The following KAT6B variants were observed in gnomAD, a reference collection of about 807,000 sequenced individuals.
KAT6B encodes the protein lysine acetyltransferase 6B.
In KAT6B, 10 loss-of-function variants were observed where a neutral mutation model predicts 187.5. The ratio of observed to expected loss-of-function variants is 0.05; its 90% CI spans 0.03 to 0.09. The LOEUF (loss-of-function observed/expected upper bound fraction) is 0.09. Among genes scored for constraint, KAT6B ranks in the 10% least tolerant of loss-of-function variants. KAT6B has a pLI of 1.00. For missense variants in KAT6B, 1,952 were observed against 2,558.9 expected, an observed-to-expected ratio of 0.76 and a Z score of 5.12; for synonymous variants, 861 against 926.8, an observed-to-expected ratio of 0.93 and a Z score of 1.29.
intron 3 of KAT6B, among the ~76,000 whole-genome samples, chr10:74,897,676 C>G (rs1159229210): frequency 3.3e-5 from 5 of 152,152 alleles, no homozygotes; most frequent in Non-Finnish European, 7.4e-5. Context: ...GAACTTCATC[C>G]AATAGATACT....
At chr10:74,914,482 A>G (rs1847503974) in intron 3 of KAT6B, among the ~76,000 whole-genome samples, 1 of 152,202 alleles carries the variant, frequency 6.6e-6, no homozygotes, top group Non-Finnish European at 1.5e-5. Context: ...TTCGATGTTT[A>G]TCACATTTAA....
intron 4 of KAT6B, among the ~76,000 whole-genome samples, chr10:74,964,055 C>G (rs960370904): frequency 6.6e-6 from 1 of 152,244 alleles, no homozygotes; most frequent in East Asian, 1.9e-4. Context: ...GGCTTGAAGC[C>G]GGGAGGCGGA....
chr10:75,000,226 C>T (rs909348846), intron 13 of KAT6B, among the ~76,000 whole-genome samples: 16 of 151,040 alleles, frequency 1.1e-4, no homozygotes, highest in Non-Finnish European at 1.5e-5. Context: ...AAAAGCTTGA[C>T]TGTCAAGGGC....
rs146125096 is a variant in KAT6B at position 74,994,711 on chromosome 10, G to A, written c.2629+5599G>A. Among the ~76,000 whole-genome samples, 592 of 151,884 alleles carry A rather than the reference G, an allele frequency of 3.9e-3. 4 individuals carry two copies. Among genetic ancestry groups the A allele is most frequent in the African/African-American group, 0.014 (564 of 41,392 alleles). ...CTGAGGCAGAGAATTGCTTGAACCC[G>A]GGAGGTGGAGGTTGCAGTGAGCTGA... On this transcript the variant is annotated intron_variant, in intron 13 of 17. Transcript: ENST00000287239.
chr10:74,872,296 A>G (rs1223765727), intron 3 of KAT6B, among the ~76,000 whole-genome samples: 1 of 152,228 alleles, frequency 6.6e-6, no homozygotes, highest in Non-Finnish European at 1.5e-5. Context: ...TAGAGGTTGC[A>G]TGACAACTTG....
chr10:74,855,901 T>C (rs972877686), intron 3 of KAT6B, among the ~76,000 whole-genome samples: 1 of 152,224 alleles, frequency 6.6e-6, no homozygotes, highest in Non-Finnish European at 1.5e-5. Context: ...AGCACATTTA[T>C]ATATTCACAA....
chr10:74,965,021 C>CT (rs1841362679), intron 4 of KAT6B, among the ~76,000 whole-genome samples: 1 of 152,156 alleles, frequency 6.6e-6, no homozygotes, highest in Non-Finnish European at 1.5e-5. Context: ...CCTAAGTTAC[C>CT]TTTTTAAGTT....
At chr10:74,893,669 C>G (rs1227780429) in intron 3 of KAT6B, among the ~76,000 whole-genome samples, 1 of 151,482 alleles carries the variant, frequency 6.6e-6, no homozygotes, top group African/African-American at 2.4e-5. Flanking sequence ...GGGGTTTCAC[C>G]ATATTGGCCA....
chr10:74,990,957 A>AT (rs1191238675), intron 13 of KAT6B, among the ~76,000 whole-genome samples: 2 of 151,888 alleles, frequency 1.3e-5, no homozygotes, highest in Non-Finnish European at 2.9e-5. Flanking sequence ...CTATACCTCT[A>AT]TTTTTTTGTC....
At chr10:74,834,464 A>G (rs565006269) in intron 1 of KAT6B, among the ~76,000 whole-genome samples, 15 of 151,876 alleles carry the variant, frequency 9.9e-5, no homozygotes, top group Admixed American at 5.2e-4. Context: ...CCAAAGTGCT[A>G]GGATTACAGG....
In KAT6B at chr10:74,843,776, AG is replaced by A. The variant is rs533025397; in HGVS notation, c.621+300del. Among the ~76,000 whole-genome samples the A allele has an allele frequency of 2.6e-3, 391 of 152,334 alleles. 3 individuals carry two copies. Among genetic ancestry groups the A allele is most frequent in the African/African-American group, 9.0e-3 (376 of 41,570 alleles). ...GGATAATATTGATCTTTCTTCATCC[AG>A]GCAGGGTCATATATATTTCAGAAAT... On this transcript the variant is annotated intron_variant, in intron 3 of 17. Transcript: ENST00000287239.
At chr10:75,027,445 T>C (rs1845953157) in intron 17 of KAT6B, among the ~76,000 whole-genome samples, 1 of 152,206 alleles carries the variant, frequency 6.6e-6, no homozygotes, top group African/African-American at 2.4e-5. Context: ...GAGATCTTAT[T>C]TTTATTCTCC....
intron 3 of KAT6B, among the ~76,000 whole-genome samples, chr10:74,959,444 A>G (rs1368920527): frequency 6.6e-6 from 1 of 152,210 alleles, no homozygotes; most frequent in Non-Finnish European, 1.5e-5. Context: ...AAGGTATTAG[A>G]TTTCACTGGT....
chr10:74,915,707 T>C (rs924879452), intron 3 of KAT6B, among the ~76,000 whole-genome samples: 4 of 152,162 alleles, frequency 2.6e-5, no homozygotes, highest in Admixed American at 2.0e-4. Flanking sequence ...GATAAAGAAG[T>C]ATCTAGTTAC....
intron 3 of KAT6B, among the ~76,000 whole-genome samples, chr10:74,895,626 A>G (rs1246826500): frequency 6.6e-6 from 1 of 151,654 alleles, no homozygotes; most frequent in Non-Finnish European, 1.5e-5. Flanking sequence ...TACAACCTTC[A>G]CTTCCCGGGT....
Position 75,020,664 on chromosome 10 carries a change from A to G in KAT6B, c.2712A>G (p.Ala904=). Residue 904 remains alanine, a synonymous_variant, in exon 14 of 18, where the codon GCA becomes GCG. Transcript: ENST00000287239. ...ATCTGGGCCGTCTCTCCTACCTGGC[A>G]TATTGGAAGAGCGTCATCTTGGAGT... is the stretch of plus-strand genomic sequence containing the variant. The part of the protein sequence containing the change: ...LSDLGRLSYL[A]YWKSVILEYL... 1.9e-6 allele frequency: 3 copies of G among 1,614,242 alleles called. No homozygotes were observed. Among genetic ancestry groups the G allele is most frequent in the South Asian group, 1.1e-5 (1 of 91,090 alleles).
At chr10:75,016,804 G>A (rs1845005059) in intron 13 of KAT6B, among the ~76,000 whole-genome samples, 1 of 150,018 alleles carries the variant, frequency 6.7e-6, no homozygotes, top group African/African-American at 2.5e-5. Context: ...CACCAGGGGT[G>A]TACTGTACTT....
intron 3 of KAT6B, among the ~76,000 whole-genome samples, chr10:74,916,096 A>G (rs1050130428): frequency 1.6e-4 from 24 of 152,308 alleles, no homozygotes; most frequent in Middle Eastern, 6.8e-3. Flanking sequence ...CCGGAGGCGG[A>G]GGTTGCAGTG....
At chr10:75,006,925 G>A (rs538689868) in intron 13 of KAT6B, among the ~76,000 whole-genome samples, 181 of 151,930 alleles carry the variant, frequency 1.2e-3, no homozygotes, top group African/African-American at 3.9e-3. Context: ...AAAATTATCC[G>A]GGTGTTGCGG....
Sources: gnomAD v4.1 joint callset for allele counts (sites outside exome capture counted in the v4.1 genomes callset) on GRCh38, gnomAD v4.1.1 for gene constraint, MANE v1.5 for transcripts, NCBI Gene and HGNC (gene_info 2026-07-23, HGNC 2026-07-21) for gene names.